The following DYNC2H1 variants were observed in gnomAD, a reference collection of about 807,000 sequenced individuals.
The protein encoded by DYNC2H1 is dynein cytoplasmic 2 heavy chain 1.
DYNC2H1 carries 410 observed loss-of-function variants against 570.0 expected under a neutral mutation model. The observed-to-expected ratio is 0.72, with a 90% CI of 0.66 to 0.78. DYNC2H1 has a LOEUF of 0.78. Among genes scored for constraint, DYNC2H1 ranks in the 30% least tolerant of loss-of-function variants. The probability of loss-of-function intolerance (pLI) is 0.00; values close to 1 mark genes in which losing one functional copy is unlikely to be tolerated. For missense variants in DYNC2H1, 4,865 were observed against 5,046.4 expected (o/e 0.96, Z 1.09); for synonymous variants, 1,688 against 1,677.6 (o/e 1.01, Z -0.15).
In DYNC2H1 at chr11:103,394,281, G is replaced by A. The variant is rs145656885; in HGVS notation, c.12157-5382G>A. Among the ~76,000 whole-genome samples, 887 of 152,106 alleles carry A rather than the reference G, an allele frequency of 5.8e-3. 12 individuals carry two copies. The highest frequency in any genetic ancestry group is 0.014 in the Middle Eastern group (4 of 294). On this transcript the variant is annotated intron_variant, in intron 83 of 88. Coordinates refer to ENST00000375735, the MANE Select transcript of DYNC2H1 (RefSeq NM_001377.3). ...GACAATTTGCTATGAAAAGGAATAC[G>A]GATCTCCGAATCTGTAGGTTCCACA...
At chr11:103,127,596 A>T (rs1339248626) in intron 12 of DYNC2H1, among the ~76,000 whole-genome samples, 1 of 152,224 alleles carries the variant, frequency 6.6e-6, no homozygotes, top group Non-Finnish European at 1.5e-5. Context: ...ATGTGCCAAG[A>T]ATTTTGTGAG....
Position 103,277,717 on chromosome 11 carries a change from G to C in DYNC2H1, c.10696-2631G>C, listed in dbSNP as rs1865968488. On this transcript the variant is annotated intron_variant, in intron 70 of 88. Coordinates refer to ENST00000375735, the MANE Select transcript of DYNC2H1 (RefSeq NM_001377.3). The surrounding 1 kb of genome is among the most constrained non-coding windows in gnomAD (Gnocchi z 4.3). ...AGCAAGCTTGCCTCGACTCTTACCA[G>C]GTAACCTAGTGACATCATGATTAGT... is the stretch of plus-strand genomic sequence containing the variant. 6.6e-6 allele frequency among the ~76,000 whole-genome samples: 1 copy of C among 152,150 alleles called. No homozygotes were observed. Among genetic ancestry groups the C allele is most frequent in the African/African-American group, 2.4e-5 (1 of 41,436 alleles).
intron 83 of DYNC2H1, among the ~76,000 whole-genome samples, chr11:103,391,870 AG>A (rs1235951896): frequency 2.0e-5 from 3 of 151,872 alleles, no homozygotes; most frequent in African/African-American, 7.2e-5. Context: ...TTTGTCTCAG[AG>A]GGGTACCCAG....
rs1861535532 is a variant in DYNC2H1 at position 103,170,790 on chromosome 11, A to G, written c.5152-96A>G. The G allele has an allele frequency of 3.4e-6, 4 of 1,167,682 alleles. No individual in the cohort carries two copies. In the Admixed American group the frequency reaches 1.1e-4, roughly 31 times the overall value. The allele number at this position is 1,167,682 out of a possible 1,614,324, so 72.3% of individuals were successfully genotyped here. ...GAGCAAAAGAGGCATAGATGGGATA[A>G]ATTATCACCTTATCAATAAGTAACA... On this transcript the variant is annotated intron_variant, in intron 33 of 88. Transcript: ENST00000375735. This position sits in a 1 kb window ranked among gnomAD's most constrained non-coding sequence, Gnocchi z 4.8.
intron 75 of DYNC2H1, 199 bp downstream of exon 75, chr11:103,287,804 A>G: frequency 1.9e-6 from 1 of 523,250 alleles, no homozygotes. Context: ...TAACTGCCCA[A>G]CAGGTTCAAC....
At position 103,427,353 on chromosome 11, in the gene DYNC2H1, A is replaced by ATGTT. The variant is rs1565590497; in HGVS notation, c.12367-8589_12367-8586dup. On this transcript the variant is annotated intron_variant, in intron 84 of 88. Coordinates refer to ENST00000375735, the MANE Select transcript of DYNC2H1 (RefSeq NM_001377.3). ...AATGTAGTTTTACTAGATGAAAGAA[A>ATGTT]TGTTACAGATTATCATTTTACTTGC... Among the ~76,000 whole-genome samples the ATGTT allele has an allele frequency of 3.9e-5, 6 of 152,302 alleles. 1 individual carries two copies. In the South Asian group the frequency reaches 1.2e-3, roughly 32 times the overall value.
chr11:103,409,661 GT>G (rs1473120187), intron 84 of DYNC2H1: 1 of 154,166 alleles, frequency 6.5e-6, no homozygotes, highest in Non-Finnish European at 1.4e-5. Flanking sequence ...ATAGGGAGTT[GT>G]CTAAGATTCT....
At chr11:103,431,483 G>A (rs1237561924) in intron 84 of DYNC2H1, among the ~76,000 whole-genome samples, 1 of 152,000 alleles carries the variant, frequency 6.6e-6, no homozygotes, top group Non-Finnish European at 1.5e-5. Context: ...TATTCTCTTT[G>A]TGTCTACATT....
chr11:103,341,016 G>T (rs4754065), intron 82 of DYNC2H1, among the ~76,000 whole-genome samples: 32,966 of 151,820 alleles, frequency 0.22, 3,705 homozygotes, highest in Admixed American at 0.31. Flanking sequence ...ACACAAAGCT[G>T]TAACATGATT....
Position 103,168,961 on chromosome 11 carries a change from G to GTATGAGT in DYNC2H1, c.4968+3_4968+9dup. 1 of 1,599,024 alleles carries GTATGAGT rather than the reference G, an allele frequency of 6.3e-7. No individual in the cohort carries two copies. The highest frequency in any genetic ancestry group is 8.5e-7 in the Non-Finnish European group (1 of 1,175,208). On this transcript the variant is annotated splice_donor_variant, in intron 32 of 88. Transcript: ENST00000375735. LOFTEE classifies it high-confidence loss of function. The stretch of plus-strand genomic sequence containing the variant: ...ATTTCAGTATACTTATGAATATCAG[G>GTATGAGT]TATGAGTTGTGGCAGTGTTTTATAT...
chr11:103,406,097 G>A (rs1381145519), intron 84 of DYNC2H1: 1 of 152,024 alleles, frequency 6.6e-6, no homozygotes, highest in Non-Finnish European at 1.5e-5. Flanking sequence ...TAAAGTGATT[G>A]ATTTGCATTC....
At chr11:103,183,326 A>T (rs1446692232) in intron 40 of DYNC2H1, among the ~76,000 whole-genome samples, 1 of 151,906 alleles carries the variant, frequency 6.6e-6, no homozygotes, top group Non-Finnish European at 1.5e-5. Flanking sequence ...TGAATGTTAT[A>T]ATAGGAGTAT....
intron 83 of DYNC2H1, among the ~76,000 whole-genome samples, chr11:103,364,643 G>C (rs775532537): frequency 1.3e-5 from 2 of 149,478 alleles, no homozygotes; most frequent in South Asian, 4.2e-4. Flanking sequence ...TTTAAGTTCA[G>C]AATGCATGTC....
At chr11:103,128,845 CAATT>C in intron 12 of DYNC2H1, 61 bp from the exon 13 acceptor site, 1 of 1,291,268 alleles carries the variant, frequency 7.7e-7, no homozygotes, top group Non-Finnish European at 1.1e-6. Context: ...TTCATTCAAA[CAATT>C]AAAAATAAAA....
At chr11:103,358,708 T>G (rs1050835100) in intron 83 of DYNC2H1, among the ~76,000 whole-genome samples, 16 of 152,188 alleles carry the variant, frequency 1.1e-4, no homozygotes, top group African/African-American at 3.6e-4. Context: ...AACTTTTTTT[T>G]AAGTGACATT....
chr11:103,206,491 A>G (rs1238408471), intron 52 of DYNC2H1, among the ~76,000 whole-genome samples: 1 of 152,202 alleles, frequency 6.6e-6, no homozygotes, highest in African/African-American at 2.4e-5. Context: ...GATATCACCA[A>G]GAGAGTAAGA....
In DYNC2H1 at chr11:103,199,388, TA is replaced by T; in HGVS notation, c.8001del (p.Val2668SerfsTer20). The T allele has an allele frequency of 6.2e-7, 1 of 1,612,846 alleles. No homozygotes were observed. Among genetic ancestry groups the T allele is most frequent in the Non-Finnish European group, 8.5e-7 (1 of 1,179,574 alleles). On this transcript the variant is annotated frameshift_variant, in exon 49 of 89. Transcript: ENST00000375735. LOFTEE classifies it high-confidence loss of function. The surrounding 1 kb of genome is among the most constrained non-coding windows in gnomAD (Gnocchi z 4.6). ...GTAGGTCGTCGGACCATCACTTCTT[TA>T]GTCAGTCACATGCATGGAGCGGTCC... ...SGVGRRTITS[L>X]VSHMHGAVLF...
rs1217925558 is a variant in DYNC2H1, at chr11:103,299,570, A to G, written c.11096-3523A>G. Among the ~76,000 whole-genome samples, 2 of 151,990 alleles carry G rather than the reference A, an allele frequency of 1.3e-5. No individual in the cohort carries two copies. Among genetic ancestry groups the G allele is most frequent in the Admixed American group, 6.6e-5 (1 of 15,226 alleles). ...GCCAGTTGGTATCTAGCCTTCCTCCATCCTTAAAGCCAACATTAGCAGATC... is the reference window on the plus strand; with the variant it reads ...GCCAGTTGGTATCTAGCCTTCCTCCGTCCTTAAAGCCAACATTAGCAGATC... On this transcript the variant is annotated intron_variant, in intron 75 of 88. Coordinates refer to ENST00000375735, the MANE Select transcript of DYNC2H1 (RefSeq NM_001377.3). This position sits in a 1 kb window ranked among gnomAD's most constrained non-coding sequence, Gnocchi z 4.5.
chr11:103,310,836 G>A (rs1867553074), intron 78 of DYNC2H1, among the ~76,000 whole-genome samples: 1 of 151,466 alleles, frequency 6.6e-6, no homozygotes, highest in African/African-American at 2.4e-5. Context: ...GATTACAAGT[G>A]TGCACCACCA....
Sources: gnomAD v4.1 joint callset for allele counts (sites outside exome capture counted in the v4.1 genomes callset) on GRCh38, gnomAD v4.1.1 for gene constraint, Gnocchi (gnomAD v3.1) non-coding constraint, MANE v1.5 for transcripts, NCBI Gene and HGNC (gene_info 2026-07-23, HGNC 2026-07-21) for gene names.